GOLM1: variants seen among roughly 807,000 people sequenced by gnomAD.
The protein encoded by GOLM1 is golgi membrane protein 1.
Under a neutral mutation model 50.5 loss-of-function variants are expected in GOLM1, and 31 were observed. The observed-to-expected ratio is 0.61, with a 90% CI of 0.46 to 0.83. The LOEUF is 0.83. Ranked by LOEUF, GOLM1 falls within the 40% of genes least tolerant of loss-of-function variation. The pLI is 0.00. For synonymous variants in GOLM1, 178 were observed against 192.8 expected (o/e 0.92, Z 0.64); for missense variants, 491 against 501.3 (o/e 0.98, Z 0.20).
chr9:86,027,383 C>A lies in GOLM1; in HGVS notation c.*434G>T. ...CTTTTCAGTGAGAACAGGTAACAGG[C>A]TGGCACCAGCACTTGGTACAGCACG... On this transcript the variant is annotated 3_prime_UTR_variant, in exon 10 of 10. Transcript: ENST00000388712. The A allele has an allele frequency of 1.0e-6, 1 of 991,566 alleles. No homozygotes were observed. The highest frequency in any genetic ancestry group is 1.7e-5 in the African/African-American group (1 of 57,466). The allele number at this position is 991,566 out of a possible 1,614,324, so 61.4% of individuals were successfully genotyped here.
At chr9:86,068,243 G>A (rs1246279057) in intron 3 of GOLM1, among the ~76,000 whole-genome samples, 1 of 152,138 alleles carries the variant, frequency 6.6e-6, no homozygotes, top group Non-Finnish European at 1.5e-5. Flanking sequence ...AACACTAGAA[G>A]CCAGAGAGGC....
intron 4 of GOLM1, among the ~76,000 whole-genome samples, chr9:86,052,148 G>C (rs1833774231): frequency 6.6e-6 from 1 of 152,070 alleles, no homozygotes; most frequent in Non-Finnish European, 1.5e-5. Context: ...GGCAAAGAGG[G>C]GGAATTAAAT....
chr9:86,041,650 TG>T (rs1833355916), intron 5 of GOLM1, among the ~76,000 whole-genome samples: 1 of 152,210 alleles, frequency 6.6e-6, no homozygotes, highest in African/African-American at 2.4e-5. Flanking sequence ...ACAGTCATCC[TG>T]GCAAATTATC....
At chr9:86,077,388 G>C (rs1472938613) in intron 3 of GOLM1, 24 bp downstream of exon 3, 1 of 1,594,066 alleles carries the variant, frequency 6.3e-7, no homozygotes, top group African/African-American at 1.3e-5. Flanking sequence ...GAAAAGAACT[G>C]AGAGGAAACA....
chr9:86,080,739 T>G (rs750026985), intron 1 of GOLM1, among the ~76,000 whole-genome samples: 6 of 152,176 alleles, frequency 3.9e-5, no homozygotes, highest in Non-Finnish European at 7.3e-5. Flanking sequence ...TTCTGACCTG[T>G]GCTCATGTCT....
chr9:86,084,896 G>A (rs2118874502), intron 1 of GOLM1: 1 of 152,100 alleles, frequency 6.6e-6, no homozygotes, highest in East Asian at 1.9e-4. Flanking sequence ...AAAAATACAA[G>A]AAGTAGCCGG....
chr9:86,029,852 G>A (rs1832915612), intron 9 of GOLM1, among the ~76,000 whole-genome samples: 1 of 152,124 alleles, frequency 6.6e-6, no homozygotes, highest in Non-Finnish European at 1.5e-5. Flanking sequence ...CTGAGTGTAG[G>A]GAATGAGAGA....
At chr9:86,069,840 T>C (rs1404703612) in intron 3 of GOLM1, among the ~76,000 whole-genome samples, 1 of 152,158 alleles carries the variant, frequency 6.6e-6, no homozygotes, top group Non-Finnish European at 1.5e-5. Flanking sequence ...GCTGTCCTTC[T>C]ACCCTTCTCT....
chr9:86,026,494 C>T lies in GOLM1; in HGVS notation c.*1323G>A, dbSNP rs1471594817. On this transcript the variant is annotated 3_prime_UTR_variant, in exon 10 of 10. Coordinates refer to ENST00000388712, the MANE Select transcript of GOLM1 (RefSeq NM_016548.4). ...TGTGAGGCCAGGGGTGCCAGCGCAC[C>T]AGCTAGATGCTCTGTAACTTCTAGG... The T allele has an allele frequency of 1.1e-6, 1 of 900,654 alleles. No homozygotes were observed. The highest frequency in any genetic ancestry group is 1.8e-5 in the African/African-American group (1 of 55,480). The allele number at this position is 900,654 out of a possible 1,614,324, so 55.8% of individuals were successfully genotyped here. A position where few individuals can be genotyped will look rare whatever the true frequency, so the allele number is the denominator to read the frequency against.
chr9:86,059,243 A>G (rs1040994728), intron 3 of GOLM1, among the ~76,000 whole-genome samples: 5 of 152,230 alleles, frequency 3.3e-5, no homozygotes, highest in African/African-American at 1.2e-4. Context: ...ACCTGTCCAC[A>G]AATGCTCACA....
chr9:86,057,618 G>A (rs1250809439), intron 3 of GOLM1, among the ~76,000 whole-genome samples: 1 of 148,952 alleles, frequency 6.7e-6, no homozygotes, highest in Non-Finnish European at 1.5e-5. Flanking sequence ...GTGGGGCCTG[G>A]GCCACCCTTT....
intron 3 of GOLM1, among the ~76,000 whole-genome samples, chr9:86,072,866 G>C (rs1231762491): frequency 6.6e-6 from 1 of 152,160 alleles, no homozygotes; most frequent in Non-Finnish European, 1.5e-5. Flanking sequence ...TGTACAGCAT[G>C]GGACTGTACT....
chr9:86,026,357 G>T lies in GOLM1; in HGVS notation c.*1460C>A. 1 of 984,920 alleles carries T rather than the reference G, an allele frequency of 1.0e-6. No homozygotes were observed. Among genetic ancestry groups the T allele is most frequent in the Non-Finnish European group, 1.2e-6 (1 of 829,508 alleles). The allele number at this position is 984,920 out of a possible 1,614,324, so 61.0% of individuals were successfully genotyped here. ...CTGGGTGGGAAAGTTTAACCTTAGT[G>T]ACTAAGGACATCACATATGAAGAAT... On this transcript the variant is annotated 3_prime_UTR_variant, in exon 10 of 10. Transcript: ENST00000388712.
chr9:86,026,646 T>C lies in GOLM1; in HGVS notation c.*1171A>G, dbSNP rs774438806. 89 of 984,898 alleles carry C rather than the reference T, an allele frequency of 9.0e-5. No individual in the cohort carries two copies. Among genetic ancestry groups the C allele is most frequent in the Non-Finnish European group, 1.1e-4 (88 of 829,532 alleles). 61.0% of individuals were successfully genotyped at this position (984,898 alleles called of 1,614,324 possible). ...TTACTGGGAAGTCAGTCATTAATGA[T>C]GTGGCCAGTTATTTGCAAGTGGTAA... On this transcript the variant is annotated 3_prime_UTR_variant, in exon 10 of 10. Coordinates refer to ENST00000388712, the MANE Select transcript of GOLM1 (RefSeq NM_016548.4).
At chr9:86,035,866 C>CAAAAAAAAA (rs1276980708) in intron 7 of GOLM1, among the ~76,000 whole-genome samples, 1,225 of 46,392 alleles carry the variant, frequency 0.026, 46 homozygotes, top group Non-Finnish European at 0.034. Flanking sequence ...AGTAGCTTAC[C>CAAAAAAAAA]AAAAAAAAAA....
At chr9:86,040,316 C>T (rs1262313294) in intron 6 of GOLM1, among the ~76,000 whole-genome samples, 1 of 152,132 alleles carries the variant, frequency 6.6e-6, no homozygotes, top group Non-Finnish European at 1.5e-5. Context: ...CAAGCAGCAG[C>T]TTCGTGGGCT....
At chr9:86,072,758 T>C (rs1215217528) in intron 3 of GOLM1, among the ~76,000 whole-genome samples, 1 of 152,230 alleles carries the variant, frequency 6.6e-6, no homozygotes, top group Admixed American at 6.5e-5. Context: ...TTTGTCTTTG[T>C]GTAACCATCA....
intron 3 of GOLM1, among the ~76,000 whole-genome samples, chr9:86,069,163 G>C (rs1834384352): frequency 6.6e-6 from 1 of 151,812 alleles, no homozygotes; most frequent in South Asian, 2.1e-4. Context: ...AAAGGGAGTG[G>C]AGAGTTCTCA....
At chr9:86,092,418 T>C (rs1835214012) in intron 1 of GOLM1, among the ~76,000 whole-genome samples, 1 of 152,236 alleles carries the variant, frequency 6.6e-6, no homozygotes, top group Non-Finnish European at 1.5e-5. Flanking sequence ...TGCCATTACC[T>C]GGGGCTGACC....
Sources: allele counts gnomAD v4.1 joint callset (sites outside exome capture counted in the v4.1 genomes callset), GRCh38; gene constraint gnomAD v4.1.1; transcripts MANE v1.5; gene names NCBI Gene and HGNC (gene_info 2026-07-23, HGNC 2026-07-21).